HTATSF1: variants seen among roughly 807,000 people sequenced by gnomAD.
HTATSF1 encodes the protein 17S U2 SnRNP complex component HTATSF1.
Under a neutral mutation model 46.1 loss-of-function variants are expected in HTATSF1, and 6 were observed. The observed-to-expected ratio is 0.13, with a 90% CI of 0.07 to 0.26. The LOEUF (loss-of-function observed/expected upper bound fraction) is 0.26, where lower values mean the gene tolerates loss of function less well. Among genes scored for constraint, HTATSF1 ranks in the 10% least tolerant of loss-of-function variants. The pLI, the probability that HTATSF1 is intolerant of heterozygous loss-of-function variation, is 1.00. For missense variants in HTATSF1, 452 were observed against 559.9 expected (o/e 0.81, Z 1.94); for synonymous variants, 226 against 211.5 (o/e 1.07, Z -0.60).
In HTATSF1 at chrX:136,509,195, T is replaced by G. The variant is rs1215952371; in HGVS notation, c.924+15T>G. On this transcript the variant is annotated intron_variant, in intron 7 of 8. Coordinates refer to ENST00000218364, the MANE Select transcript of HTATSF1 (RefSeq NM_014500.5). ...TTCTCTTTGATGTAAGTTCATGGCT[T>G]GGACATATGGATCCTAAAGCAATAA... 1 of 1,068,783 alleles carries G rather than the reference T, an allele frequency of 9.4e-7. No individual in the cohort carries two copies. Among genetic ancestry groups the G allele is most frequent in the Non-Finnish European group, 1.3e-6 (1 of 766,356 alleles). The allele number at this position is 1,068,783 out of a possible 1,213,427, so 88.1% of individuals were successfully genotyped here. A position where few individuals can be genotyped will look rare whatever the true frequency, so the allele number is the denominator to read the frequency against.
In HTATSF1 at chrX:136,511,160, C is replaced by G. The variant is rs2075765572; in HGVS notation, c.1415C>G (p.Pro472Arg). The G allele has an allele frequency of 8.3e-7, 1 of 1,206,527 alleles. No individual in the cohort carries two copies. ...CPEKESEEGC[P>R]KRGFEGSCSQ... is the part of the protein sequence containing the mutation. ...GAAAAAGAATCTGAAGAGGGCTGCC[C>G]CAAAAGAGGGTTTGAAGGCAGCTGC... is the stretch of plus-strand genomic sequence containing the variant. The change falls in exon 9 of 9, where the codon CCC becomes CGC. Residue 472 changes from proline (P) to arginine (R), a missense_variant. Physicochemically the swap from Pro to Arg is moderately radical, Grantham distance 103 (BLOSUM62 -2). Coordinates refer to ENST00000218364, the MANE Select transcript of HTATSF1 (RefSeq NM_014500.5).
Position 136,502,843 on chromosome X carries a change from T to C in HTATSF1, c.636T>C (p.His212=). The stretch of plus-strand genomic sequence containing the variant: ...ATGAAATTAGAGGCTACAAATTACA[T>C]GTTGAGGTGGCAAAGTTTCAACTGA... ...DEDEIRGYKL[H]VEVAKFQLKG... Residue 212 remains histidine (H), a synonymous_variant, in exon 5 of 9, where the codon CAT becomes CAC. Transcript: ENST00000218364. The C allele has an allele frequency of 8.5e-7, 1 of 1,175,081 alleles. No individual in the cohort carries two copies. Among genetic ancestry groups the C allele is most frequent in the Non-Finnish European group, 1.1e-6 (1 of 873,256 alleles).
intron 4 of HTATSF1, among the ~76,000 whole-genome samples, chrX:136,502,415 T>C (rs2075722259): frequency 8.9e-6 from 1 of 112,074 alleles, no homozygotes; most frequent in South Asian, 3.7e-4. Context: ...TAATATTTAT[T>C]GAACACCTAC....
At chrX:136,503,963 G>A (rs771404007) in intron 5 of HTATSF1, among the ~76,000 whole-genome samples, 3 of 111,001 alleles carry the variant, frequency 2.7e-5, no homozygotes, top group African/African-American at 9.8e-5. Context: ...CTGTACCTCC[G>A]GGGTTCAAGC....
rs371872706 is a variant in HTATSF1, at chrX:136,502,885, C to T, written c.678C>T (p.Ala226=). Residue 226 remains alanine, a synonymous_variant, in exon 5 of 9, where the codon GCC becomes GCT. Transcript: ENST00000218364. ...TTCAACTGAAGGGAGAATATGATGC[C>T]TCAAAGAAGAAGAAGAAGTGCAAAG... ...AKFQLKGEYD[A]SKKKKKCKDY... The T allele has an allele frequency of 5.5e-5, 64 of 1,161,147 alleles. No homozygotes were observed. The highest frequency in any genetic ancestry group is 7.4e-5 in the Non-Finnish European group (64 of 868,376).
chrX:136,500,577 A>C (rs994625490), intron 3 of HTATSF1, 87 bp from the exon 4 acceptor site: 7 of 604,875 alleles, frequency 1.2e-5, no homozygotes, highest in Non-Finnish European at 1.8e-5. Context: ...GCATTCACCT[A>C]AGTTATAGAT....
At position 136,510,123 on chromosome X, in the gene HTATSF1, A is replaced by G. The variant is rs776031831; in HGVS notation, c.966A>G (p.Pro322=). ...TGGCCTCTGTGTCCTTTCGGGATCCAGAGGAAGCTGATTATTGTATTCAGA... is the reference window on the plus strand; with the variant it reads ...TGGCCTCTGTGTCCTTTCGGGATCCGGAGGAAGCTGATTATTGTATTCAGA... The part of the protein sequence containing the change: ...DGVASVSFRD[P]EEADYCIQTL... Residue 322 remains proline (P), a synonymous_variant, in exon 8 of 9, where the codon CCA becomes CCG. Coordinates refer to ENST00000218364, the MANE Select transcript of HTATSF1 (RefSeq NM_014500.5). 1.7e-5 allele frequency: 21 copies of G among 1,208,894 alleles called. No homozygotes were observed. Among genetic ancestry groups the G allele is most frequent in the Admixed American group, 4.4e-5 (2 of 45,930 alleles).
At position 136,511,106 on chromosome X, in the gene HTATSF1, C is replaced by T; in HGVS notation, c.1361C>T (p.Pro454Leu). 8.3e-7 allele frequency: 1 copy of T among 1,210,217 alleles called. No homozygotes were observed. Among genetic ancestry groups the T allele is most frequent in the Non-Finnish European group, 1.1e-6 (1 of 895,072 alleles). ...GAAAACAATGCTAAGGAAAGTAGCC[C>T]CGAAAAAGAGGCTGAAGAAGGCTGC... Reference protein sequence around the residue: ...ASENNAKESSPEKEAEEGCPE... With the variant: ...ASENNAKESSLEKEAEEGCPE... The change falls in exon 9 of 9, where the codon CCC becomes CTC. Residue 454 changes from proline (P) to leucine (L), a missense_variant. Around this residue, in one of 3 missense-constraint regions of HTATSF1, gnomAD observed 246 missense variants for 245.3 expected, o/e 1.00. Coordinates refer to ENST00000218364, the MANE Select transcript of HTATSF1 (RefSeq NM_014500.5).
At chrX:136,508,920 G>A (rs1356132218) in intron 6 of HTATSF1, among the ~76,000 whole-genome samples, 171 bp from the exon 7 acceptor site, 1 of 112,586 alleles carries the variant, frequency 8.9e-6, no homozygotes, top group East Asian at 2.7e-4. Context: ...AGTGTATGTA[G>A]TAGTATAATT....
intron 6 of HTATSF1, among the ~76,000 whole-genome samples, chrX:136,506,676 G>A (rs1476761253): frequency 8.9e-6 from 1 of 112,711 alleles, no homozygotes; most frequent in Non-Finnish European, 1.9e-5. Flanking sequence ...GTGGGACATT[G>A]TCTTGGCCGT....
intron 5 of HTATSF1, 128 bp from the exon 6 acceptor site, chrX:136,504,236 G>A: frequency 2.3e-6 from 1 of 442,617 alleles, no homozygotes; most frequent in Non-Finnish European, 3.9e-6. Context: ...ACAGTTTGTT[G>A]TTGTAAAATC....
intron 4 of HTATSF1, 55 bp from the exon 5 acceptor site, chrX:136,502,723 C>T: frequency 1.3e-6 from 1 of 758,346 alleles, no homozygotes; most frequent in East Asian, 3.8e-5. Context: ...CTAAAAAACT[C>T]CTGAAGTTTT....
At chrX:136,497,576 G>A (rs1603305765), upstream of HTATSF1, 15 of 628,989 alleles carry the variant, frequency 2.4e-5, no homozygotes, top group South Asian at 5.4e-5. Flanking sequence ...GGGCCGGGGG[G>A]CGGCGGGGCG....
intron 8 of HTATSF1, 32 bp downstream of exon 8, chrX:136,510,251 A>C (rs1461000679): frequency 4.2e-6 from 5 of 1,186,989 alleles, no homozygotes; most frequent in Middle Eastern, 4.7e-4. Context: ...GGGCACACAC[A>C]TTGTTTCATT....
intron 2 of HTATSF1, 69 bp downstream of exon 2, chrX:136,499,847 C>A: frequency 1.2e-6 from 1 of 810,109 alleles, no homozygotes; most frequent in Non-Finnish European, 1.7e-6. Context: ...GGTACAGTTG[C>A]TTTTTCGAGA....
intron 6 of HTATSF1, 62 bp downstream of exon 6, chrX:136,504,525 T>A: frequency 1.1e-6 from 1 of 896,569 alleles, no homozygotes; most frequent in Non-Finnish European, 1.6e-6. Context: ...CAAGGGAGCC[T>A]GGAGCTTGCC....
At chrX:136,507,186 T>G (rs2075745832) in intron 6 of HTATSF1, among the ~76,000 whole-genome samples, 1 of 111,851 alleles carries the variant, frequency 8.9e-6, no homozygotes, top group Admixed American at 9.5e-5. Flanking sequence ...AACTGAATTG[T>G]CAGGTTATCC....
chrX:136,507,800 G>A (rs1311727708), intron 6 of HTATSF1, among the ~76,000 whole-genome samples: 2 of 111,181 alleles, frequency 1.8e-5, no homozygotes, highest in Non-Finnish European at 3.8e-5. Context: ...AAAAGTCTGT[G>A]CTATTTTCTG....
At position 136,512,218 on chromosome X, in the gene HTATSF1, A is replaced by T; in HGVS notation, c.*205A>T. The stretch of plus-strand genomic sequence containing the variant: ...AGTTAAAATGTCATAGTTACAATGC[A>T]AGTAAACTGGATACTTGTTCTTTTG... On this transcript the variant is annotated 3_prime_UTR_variant, in exon 9 of 9. Coordinates refer to ENST00000218364, the MANE Select transcript of HTATSF1 (RefSeq NM_014500.5). The T allele has an allele frequency of 3.1e-6, 1 of 326,030 alleles. No individual in the cohort carries two copies. The highest frequency in any genetic ancestry group is 4.6e-5 in the East Asian group (1 of 21,788). The allele number at this position is 326,030 out of a possible 1,213,427, so 26.9% of individuals were successfully genotyped here. A position where few individuals can be genotyped will look rare whatever the true frequency, so the allele number is the denominator to read the frequency against.
Sources: gnomAD v4.1 joint callset for allele counts (sites outside exome capture counted in the v4.1 genomes callset) on GRCh38, gnomAD v4.1.1 for gene constraint, gnomAD v4.1.1 regional missense constraint, MANE v1.5 for transcripts, NCBI Gene and HGNC (gene_info 2026-07-23, HGNC 2026-07-21) for gene names.